Variants in SGF29 observed in about 807,000 individuals in gnomAD.
The protein encoded by SGF29 is SAGA complex associated factor 29.
In SGF29, 15 loss-of-function variants were observed where a neutral mutation model predicts 38.1. The observed-to-expected ratio is 0.39, with a 90% CI of 0.26 to 0.61. The LOEUF is 0.61. Ranked by LOEUF, SGF29 falls within the 20% of genes least tolerant of loss-of-function variation. SGF29 has a pLI of 0.49. For missense variants in SGF29, 184 were observed against 394.6 expected (o/e 0.47, Z 4.52); for synonymous variants, 151 against 160.8 (o/e 0.94, Z 0.46).
intron 1 of SGF29, among the ~76,000 whole-genome samples, chr16:28,558,138 G>A (rs1212946410): frequency 4.2e-5 from 6 of 143,708 alleles, no homozygotes; most frequent in East Asian, 2.0e-4. Flanking sequence ...ACGGAGTCTC[G>A]CTGTGTCGCC....
chr16:28,554,741 T>C (rs1371989194), intron 1 of SGF29, among the ~76,000 whole-genome samples: 5 of 152,108 alleles, frequency 3.3e-5, no homozygotes, highest in African/African-American at 1.2e-4. Flanking sequence ...CTCCTCCAAG[T>C]CTTGAACCCT....
intron 9 of SGF29, 25 bp from the exon 10 acceptor site, chr16:28,591,565 C>T (rs1318471427): frequency 1.3e-6 from 2 of 1,535,984 alleles, no homozygotes; most frequent in South Asian, 2.2e-5. Flanking sequence ...CTCTGAGCAG[C>T]CCCTCCTGTC....
rs573746607 is a variant in SGF29 at position 28,587,618 on chromosome 16, CG to C, written c.225-1480del. Among the ~76,000 whole-genome samples the C allele has an allele frequency of 5.3e-5, 8 of 152,336 alleles. No individual in the cohort carries two copies. In the South Asian group the frequency reaches 1.7e-3, roughly 32 times the overall value. ...TGAGTCACATGCCCTGGGGCACCCC[CG>C]GACACCTCCCGAGATGCTGCATCAC... On this transcript the variant is annotated intron_variant, in intron 4 of 9. Transcript: ENST00000317058.
At chr16:28,588,971 A>C (rs144009839) in intron 4 of SGF29, 129 bp from the exon 5 acceptor site, 2 of 899,252 alleles carry the variant, frequency 2.2e-6, no homozygotes, top group Non-Finnish European at 1.8e-6. Context: ...GCAGGAGGCT[A>C]CTGTGAGAAC....
intron 4 of SGF29, among the ~76,000 whole-genome samples, chr16:28,587,019 G>T (rs2046959140): frequency 6.6e-6 from 1 of 152,024 alleles, no homozygotes; most frequent in Non-Finnish European, 1.5e-5. Flanking sequence ...CCTAATTTTT[G>T]TATTTTTTGT....
intron 2 of SGF29, among the ~76,000 whole-genome samples, chr16:28,583,814 G>A (rs149778071): frequency 2.2e-4 from 34 of 152,294 alleles, no homozygotes; most frequent in African/African-American, 7.5e-4. Flanking sequence ...AAATTGGGAA[G>A]TATGAGTTCT....
intron 2 of SGF29, among the ~76,000 whole-genome samples, chr16:28,582,497 C>G (rs2046932037): frequency 6.6e-6 from 1 of 152,160 alleles, no homozygotes; most frequent in South Asian, 2.1e-4. Context: ...TCAGTTGTTA[C>G]AAACGCACCA....
In SGF29 at chr16:28,570,395, ATGTC is replaced by A. The variant is rs575237803; in HGVS notation, c.-15-10655_-15-10652del. On this transcript the variant is annotated intron_variant, in intron 1 of 9. Transcript: ENST00000317058. ...TTCTTTGTTGTTTCTCTCTTTTAGA[ATGTC>A]TGTCCTATGCCTGTCCCACCGTTGT... 1.8e-3 allele frequency among the ~76,000 whole-genome samples: 271 copies of A among 152,206 alleles called. 1 individual carries two copies. Among genetic ancestry groups the A allele is most frequent in the Non-Finnish European group, 2.9e-3 (198 of 68,008 alleles).
At chr16:28,577,177 GA>G (rs958079383) in intron 1 of SGF29, among the ~76,000 whole-genome samples, 9 of 145,152 alleles carry the variant, frequency 6.2e-5, no homozygotes, top group South Asian at 2.2e-4. Context: ...CATTAAAAAA[GA>G]AAAAAAAAAG....
At chr16:28,575,501 T>G (rs2046887420) in intron 1 of SGF29, among the ~76,000 whole-genome samples, 1 of 151,982 alleles carries the variant, frequency 6.6e-6, no homozygotes, top group South Asian at 2.1e-4. Context: ...GTCAACATGG[T>G]GAAACCCTGT....
At chr16:28,585,811 C>G in intron 4 of SGF29, 91 bp downstream of exon 4, 1 of 1,225,362 alleles carries the variant, frequency 8.2e-7, no homozygotes, top group Non-Finnish European at 1.2e-6. Flanking sequence ...AGCCTGCCTT[C>G]CTCCCATGGA....
At chr16:28,558,191 C>T (rs1187333843) in intron 1 of SGF29, among the ~76,000 whole-genome samples, 1 of 151,180 alleles carries the variant, frequency 6.6e-6, no homozygotes, top group African/African-American at 2.4e-5. Flanking sequence ...CTGCGACCTC[C>T]ACCTCCCGGG....
chr16:28,562,637 C>T (rs1376742679), intron 1 of SGF29, among the ~76,000 whole-genome samples: 3 of 152,080 alleles, frequency 2.0e-5, no homozygotes, highest in African/African-American at 4.8e-5. Flanking sequence ...CATGGTGACT[C>T]ATGCCTGTCA....
intron 1 of SGF29, among the ~76,000 whole-genome samples, chr16:28,559,941 A>T (rs1198095737): frequency 1.3e-5 from 2 of 152,170 alleles, no homozygotes; most frequent in African/African-American, 4.8e-5. Flanking sequence ...AAATTCTTAG[A>T]CACAAGAAAT....
intron 1 of SGF29, 156 bp downstream of exon 1, chr16:28,554,253 G>T (rs1275138198): frequency 6.6e-6 from 1 of 151,784 alleles, no homozygotes; most frequent in South Asian, 2.1e-4. Flanking sequence ...GGCTCGTGGG[G>T]GTGGGGGCGG....
In SGF29 at chr16:28,590,500, G is replaced by A; in HGVS notation, c.566+58G>A. The A allele has an allele frequency of 1.2e-6, 2 of 1,613,690 alleles. No homozygotes were observed. The highest frequency in any genetic ancestry group is 1.7e-6 in the Non-Finnish European group (2 of 1,179,828). ...GTCACCGAACTTGCCTGGGCTACGG[G>A]AGAAAAGCTCTGCAGAGGGTGCTCC... On this transcript the variant is annotated intron_variant, in intron 7 of 9. Coordinates refer to ENST00000317058, the MANE Select transcript of SGF29 (RefSeq NM_138414.3). This position sits in a 1 kb window ranked among gnomAD's most constrained non-coding sequence, Gnocchi z 8.2.
intron 1 of SGF29, among the ~76,000 whole-genome samples, chr16:28,576,096 C>A (rs1467203231): frequency 6.6e-6 from 1 of 152,112 alleles, no homozygotes; most frequent in African/African-American, 2.4e-5. Context: ...CAGCATGCAG[C>A]TCCTCAGAAG....
At chr16:28,558,362 C>T (rs2046765916) in intron 1 of SGF29, among the ~76,000 whole-genome samples, 1 of 151,826 alleles carries the variant, frequency 6.6e-6, no homozygotes, top group Admixed American at 6.6e-5. Context: ...GATCCACCCG[C>T]CTTGGCCTTC....
At chr16:28,586,365 C>T (rs1329133253) in intron 4 of SGF29, among the ~76,000 whole-genome samples, 1 of 151,970 alleles carries the variant, frequency 6.6e-6, no homozygotes, top group Non-Finnish European at 1.5e-5. Context: ...ATAGCGAAAC[C>T]CTATATCTAC....
Sources: gnomAD v4.1 joint callset for allele counts (sites outside exome capture counted in the v4.1 genomes callset) on GRCh38, gnomAD v4.1.1 for gene constraint, Gnocchi (gnomAD v3.1) non-coding constraint, MANE v1.5 for transcripts, NCBI Gene and HGNC (gene_info 2026-07-23, HGNC 2026-07-21) for gene names.